ANKRD18B: variants seen among roughly 807,000 people sequenced by gnomAD.
The protein encoded by ANKRD18B is ankyrin repeat domain 18B.
ANKRD18B carries 75 observed loss-of-function variants against 111.8 expected under a neutral mutation model. The ratio of observed to expected loss-of-function variants is 0.67; its 90% confidence interval spans 0.56 to 0.81. ANKRD18B has a LOEUF of 0.81. Ranked by LOEUF, ANKRD18B falls within the 40% of genes least tolerant of loss-of-function variation. The pLI is 0.00. For synonymous variants in ANKRD18B, 356 were observed against 417.3 expected, an observed-to-expected ratio of 0.85 and a Z score of 1.79; for missense variants, 1,038 against 1,225.5, an observed-to-expected ratio of 0.85 and a Z score of 2.28.
intron 4 of ANKRD18B, among the ~76,000 whole-genome samples, chr9:33,534,060 G>A (rs990229541): frequency 2.6e-5 from 4 of 151,968 alleles, no homozygotes; most frequent in African/African-American, 9.7e-5. Context: ...CTAAATCTTT[G>A]CCCACTTTCA....
At chr9:33,528,174 T>C (rs1433891854) in intron 1 of ANKRD18B, among the ~76,000 whole-genome samples, 1 of 152,140 alleles carries the variant, frequency 6.6e-6, no homozygotes, top group Non-Finnish European at 1.5e-5. Flanking sequence ...GCTGGTGCAC[T>C]CCTGTGGTCC....
intron 12 of ANKRD18B, among the ~76,000 whole-genome samples, chr9:33,552,619 A>T (rs541282003): frequency 1.3e-5 from 2 of 152,294 alleles, no homozygotes; most frequent in East Asian, 3.9e-4. Context: ...AGAGAAGAGT[A>T]AGCTATAAAT....
intron 5 of ANKRD18B, among the ~76,000 whole-genome samples, chr9:33,535,174 C>G (rs1828177616): frequency 6.6e-6 from 1 of 151,954 alleles, no homozygotes; most frequent in Admixed American, 6.6e-5. Context: ...TGTAACTGGT[C>G]CTGCAATCTG....
chr9:33,527,180 A>C (rs1406739354), intron 1 of ANKRD18B, among the ~76,000 whole-genome samples: 2 of 152,226 alleles, frequency 1.3e-5, no homozygotes, highest in Non-Finnish European at 2.9e-5. Context: ...AAAATTTATC[A>C]GTCTTAAATA....
At chr9:33,572,180 CTTGTA>C (rs1420529663) in intron 18 of ANKRD18B, 131 bp from the exon 19 acceptor site, 15 of 673,114 alleles carry the variant, frequency 2.2e-5, no homozygotes, top group Admixed American at 2.9e-5. Flanking sequence ...TAATAGTAAT[CTTGTA>C]TTGTAATTGC....
intron 17 of ANKRD18B, among the ~76,000 whole-genome samples, chr9:33,570,333 C>T (rs957270701): frequency 2.0e-5 from 3 of 152,034 alleles, no homozygotes; most frequent in Admixed American, 6.5e-5. Context: ...TGAAAAACTG[C>T]TTCTTGGGTC....
chr9:33,547,897 T>C (rs1828383770), intron 10 of ANKRD18B, 41 bp from the exon 11 acceptor site: 1 of 1,285,074 alleles, frequency 7.8e-7, no homozygotes, highest in South Asian at 1.9e-5. Context: ...CATCATAGAT[T>C]ATTTTGAGTG....
At chr9:33,543,383 T>C in intron 10 of ANKRD18B, 128 bp downstream of exon 10, 2 of 775,088 alleles carry the variant, frequency 2.6e-6, no homozygotes, top group Non-Finnish European at 3.9e-6. Flanking sequence ...AATTTCATGT[T>C]GAATTTTAAA....
intron 18 of ANKRD18B, 115 bp from the exon 19 acceptor site, chr9:33,572,201 C>T (rs1828789926): frequency 1.3e-6 from 1 of 766,524 alleles, no homozygotes; most frequent in Non-Finnish European, 2.2e-6. Flanking sequence ...ATTGCACGTA[C>T]ATATTTCTCA....
chr9:33,537,525 ATTAGT>A (rs1274107338), intron 6 of ANKRD18B, among the ~76,000 whole-genome samples: 1 of 152,176 alleles, frequency 6.6e-6, no homozygotes, highest in Non-Finnish European at 1.5e-5. Flanking sequence ...TAAATAAGAA[ATTAGT>A]TTAAGTTAAT....
In ANKRD18B at chr9:33,529,036, C is replaced by G. The variant is rs1163483948; in HGVS notation, c.358C>G (p.Leu120Val). Residue 120 changes from leucine (L) to valine (V), a missense_variant, in exon 3 of 19, where the codon CTC becomes GTC. Around this residue, in one of 4 missense-constraint regions of ANKRD18B, gnomAD observed 216 missense variants for 205.1 expected, o/e 1.05. Transcript: ENST00000684830. ...CCAGGAAGAGGCTTGTGCCATTATT[C>G]TCCTGAAACGTGGCGCCAATCCAAA... ...HCQEEACAII[L>V]LKRGANPNIK... 1 of 1,612,338 alleles carries G rather than the reference C, an allele frequency of 6.2e-7. No homozygotes were observed. The highest frequency in any genetic ancestry group is 8.5e-7 in the Non-Finnish European group (1 of 1,179,854).
At chr9:33,565,201 G>A (rs1160153876) in intron 14 of ANKRD18B, among the ~76,000 whole-genome samples, 6 of 152,178 alleles carry the variant, frequency 3.9e-5, no homozygotes, top group Non-Finnish European at 8.8e-5. Flanking sequence ...GCTATATGGT[G>A]TTAGATAGGA....
chr9:33,537,760 C>G (rs1030646487), intron 6 of ANKRD18B, among the ~76,000 whole-genome samples: 1 of 152,090 alleles, frequency 6.6e-6, no homozygotes, highest in African/African-American at 2.4e-5. Flanking sequence ...AATAACCTAC[C>G]GTTGACTGGA....
At chr9:33,569,049 A>G in intron 17 of ANKRD18B, 156 bp downstream of exon 17, 2 of 656,988 alleles carry the variant, frequency 3.0e-6, no homozygotes, top group Admixed American at 8.1e-5. Context: ...GAAACTTTAC[A>G]TTTTTTAATT....
intron 10 of ANKRD18B, among the ~76,000 whole-genome samples, chr9:33,547,681 AGTGTGTGTGTGTGTGTGTGT>A (rs55918212): frequency 5.5e-5 from 8 of 146,174 alleles, no homozygotes; most frequent in East Asian, 2.0e-4. Context: ...AATTCTCTAG[AGTGTGTGTGTGTGTGTGTGT>A]GTGTGTGTGT....
chr9:33,524,647 G>A lies in ANKRD18B; in HGVS notation c.158G>A (p.Cys53Tyr). 6.4e-7 allele frequency: 1 copy of A among 1,551,494 alleles called. No individual in the cohort carries two copies. Among genetic ancestry groups the A allele is most frequent in the African/African-American group, 1.4e-5 (1 of 73,168 alleles). The change falls in exon 1 of 19, where the codon TGC becomes TAC. Residue 53 changes from cysteine (C) to tyrosine (Y), a missense_variant. By Grantham distance (194) the Cys-to-Tyr change is radical. This residue lies in a region of ANKRD18B where 216 missense variants were observed against 205.1 expected (regional missense o/e 1.05). Transcript: ENST00000684830. ...GGCGACGCCGCAGAGGTGGAGCACT[G>A]CCTGACGCGCAGGTTCCGGGACTTG... Reference protein sequence around the residue: ...IKGDAAEVEHCLTRRFRDLDV... With the variant: ...IKGDAAEVEHYLTRRFRDLDV...
At chr9:33,557,087 A>G (rs1267053522) in intron 13 of ANKRD18B, among the ~76,000 whole-genome samples, 1 of 152,038 alleles carries the variant, frequency 6.6e-6, no homozygotes, top group Admixed American at 6.6e-5. Flanking sequence ...TTTTTCTGCC[A>G]TTGTCTTTCT....
In ANKRD18B at chr9:33,524,428, A is replaced by C; in HGVS notation, c.-62A>C. ...CGAATTTGGAGCTGGGTGGGGGTGG[A>C]AAGGCCACGAGGAGCCGCGGCGTCT... On this transcript the variant is annotated 5_prime_UTR_variant, in exon 1 of 19. Coordinates refer to ENST00000684830, the MANE Select transcript of ANKRD18B (RefSeq NM_001393611.1). The C allele has an allele frequency of 6.8e-7, 1 of 1,474,028 alleles. No homozygotes were observed. Among genetic ancestry groups the C allele is most frequent in the Non-Finnish European group, 9.0e-7 (1 of 1,110,172 alleles). The allele number at this position is 1,474,028 out of a possible 1,614,324, so 91.3% of individuals were successfully genotyped here. A position where few individuals can be genotyped will look rare whatever the true frequency, so the allele number is the denominator to read the frequency against.
intron 1 of ANKRD18B, among the ~76,000 whole-genome samples, chr9:33,525,876 CAT>C (rs1828018594): frequency 1.3e-5 from 2 of 150,464 alleles, no homozygotes; most frequent in African/African-American, 4.9e-5. Flanking sequence ...ATATTAGTAA[CAT>C]AATGTTATAT....
Sources: allele counts gnomAD v4.1 joint callset (sites outside exome capture counted in the v4.1 genomes callset), GRCh38; gene constraint gnomAD v4.1.1; regional missense constraint gnomAD v4.1.1; transcripts MANE v1.5; gene names NCBI Gene and HGNC (gene_info 2026-07-23, HGNC 2026-07-21).